Variants in MGAM observed in about 807,000 individuals in gnomAD.
MGAM encodes the protein alpha-1,4-glucosidase.
MGAM carries 253 observed loss-of-function variants against 358.8 expected under a neutral mutation model. The ratio of observed to expected loss-of-function variants is 0.71; its 90% CI spans 0.64 to 0.78. The LOEUF is 0.78. Ranked by LOEUF, MGAM falls within the 30% of genes least tolerant of loss-of-function variation. MGAM has a pLI of 0.00. For missense variants in MGAM, 3,080 were observed against 3,432.6 expected, an observed-to-expected ratio of 0.90 and a Z score of 2.57; for synonymous variants, 1,105 against 1,227.1, an observed-to-expected ratio of 0.90 and a Z score of 2.08.
intron 68 of MGAM, among the ~76,000 whole-genome samples, chr7:142,101,641 C>G (rs954116174): frequency 1.3e-5 from 2 of 151,596 alleles, no homozygotes; most frequent in African/African-American, 4.9e-5. Flanking sequence ...CTCAGTGCCT[C>G]ACGCCTGTAA....
rs554275353 is a variant in MGAM at position 142,002,556 on chromosome 7, C to T, written c.-2-2973C>T. On this transcript the variant is annotated intron_variant, in intron 1 of 70. Coordinates refer to ENST00000475668, the MANE Select transcript of MGAM (RefSeq NM_001365693.1). ...AAAAAAAAACCCTTAAAAACCTTGG[C>T]GTAGGGAGACCATACCTCAAAATAA... is the stretch of plus-strand genomic sequence containing the variant. Among the ~76,000 whole-genome samples the T allele has an allele frequency of 3.9e-5, 6 of 152,022 alleles. No homozygotes were observed. The South Asian group carries it at 6.2e-4, about 16-fold the overall frequency.
chr7:142,076,573 A>G (rs7779914), intron 46 of MGAM, 86 bp from the exon 47 acceptor site: 46,225 of 1,199,736 alleles, frequency 0.039, 5,206 homozygotes, highest in African/African-American at 0.12. Flanking sequence ...GGGGGTATCC[A>G]GTCTGGAATA....
chr7:142,071,608 C>A (rs1813358129), intron 44 of MGAM, among the ~76,000 whole-genome samples: 1 of 146,226 alleles, frequency 6.8e-6, no homozygotes, highest in African/African-American at 2.4e-5. Flanking sequence ...CTGGGTAAAC[C>A]AGGTCAGTTG....
At position 142,078,051 on chromosome 7, in the gene MGAM, G is replaced by A. The variant is rs1216786843; in HGVS notation, c.5494-267G>A. Among the ~76,000 whole-genome samples the A allele has an allele frequency of 5.5e-5, 8 of 145,300 alleles. 1 individual carries two copies. In the South Asian group the frequency reaches 8.9e-4, roughly 16 times the overall value. On this transcript the variant is annotated intron_variant, in intron 47 of 70. Coordinates refer to ENST00000475668, the MANE Select transcript of MGAM (RefSeq NM_001365693.1). ...GGGTAGAAAAGAATAAGGGGTGATC[G>A]CGACAGGTTTTATTTGACCTAATTG...
At chr7:142,021,524 G>A in intron 5 of MGAM, 62 bp from the exon 6 acceptor site, 2 of 1,509,628 alleles carry the variant, frequency 1.3e-6, no homozygotes, top group Non-Finnish European at 9.1e-7. Flanking sequence ...CCTAAGTAGG[G>A]ATATTGGGAA....
chr7:142,041,975 TA>T (rs1283261342), intron 21 of MGAM, among the ~76,000 whole-genome samples: 1 of 23,656 alleles, frequency 4.2e-5, no homozygotes, highest in African/African-American at 1.4e-4. Context: ...ATATATTATA[TA>T]TATATAATAT....
At chr7:142,062,823 G>T (rs901188668) in intron 35 of MGAM, 121 bp downstream of exon 35, 4 of 1,505,672 alleles carry the variant, frequency 2.7e-6, no homozygotes, top group African/African-American at 1.4e-5. Flanking sequence ...TTTGGACATA[G>T]CAGACACTTC....
At chr7:142,039,979 A>G (rs1049478739) in intron 19 of MGAM, 136 bp from the exon 20 acceptor site, 2 of 662,994 alleles carry the variant, frequency 3.0e-6, no homozygotes, top group East Asian at 2.7e-5. Context: ...TATTATTTGT[A>G]TTAGAGGAGA....
intron 70 of MGAM, among the ~76,000 whole-genome samples, chr7:142,105,583 C>G (rs921770333): frequency 1.3e-5 from 2 of 152,200 alleles, no homozygotes; most frequent in Non-Finnish European, 2.9e-5. Context: ...CCACCGCACC[C>G]GGCCCATATT....
chr7:141,999,033 T>G (rs564426194), intron 1 of MGAM, among the ~76,000 whole-genome samples: 1 of 152,116 alleles, frequency 6.6e-6, no homozygotes, highest in East Asian at 1.9e-4. Context: ...GTATATTTAT[T>G]TATTTTGTTT....
upstream of MGAM, among the ~76,000 whole-genome samples, chr7:141,993,817 T>C (rs549184298): frequency 6.6e-6 from 1 of 152,212 alleles, no homozygotes; most frequent in Non-Finnish European, 1.5e-5. Flanking sequence ...GCTTATCATG[T>C]TTTTGAAATT....
chr7:142,070,541 G>A (rs1232052836), intron 43 of MGAM, among the ~76,000 whole-genome samples: 5 of 146,180 alleles, frequency 3.4e-5, no homozygotes, highest in Admixed American at 6.9e-5. Context: ...GTCACAACAG[G>A]CTGGGGGTGA....
chr7:142,002,219 C>T (rs2128979140), intron 1 of MGAM, among the ~76,000 whole-genome samples: 1 of 152,184 alleles, frequency 6.6e-6, no homozygotes, highest in Non-Finnish European at 1.5e-5. Context: ...CTTTTAAAAA[C>T]TAATATAGAA....
rs184909179 is a variant in MGAM, at chr7:142,060,374, G to A, written c.4122+1G>A. Reference sequence around the variant, plus strand: ...TCTAGACTGGGACAGCCAAGTGGAGGTAAAAGGGTGTTTGTAAATTTGGGT... The same window carrying A: ...TCTAGACTGGGACAGCCAAGTGGAGATAAAAGGGTGTTTGTAAATTTGGGT... On this transcript the variant is annotated splice_donor_variant, in intron 34 of 70. Transcript: ENST00000475668. LOFTEE classifies it high-confidence loss of function. 1 of 1,613,864 alleles carries A rather than the reference G, an allele frequency of 6.2e-7. No individual in the cohort carries two copies. The highest frequency in any genetic ancestry group is 1.3e-5 in the African/African-American group (1 of 74,960).
intron 21 of MGAM, among the ~76,000 whole-genome samples, chr7:142,043,992 T>C (rs1228720518): frequency 7.8e-6 from 1 of 127,554 alleles, no homozygotes; most frequent in Non-Finnish European, 1.6e-5. Flanking sequence ...ATATACATTA[T>C]ATACACATAC....
intron 29 of MGAM, 135 bp from the exon 30 acceptor site, chr7:142,056,695 G>A (rs757565920): frequency 1.3e-6 from 1 of 774,180 alleles, no homozygotes; most frequent in Non-Finnish European, 2.1e-6. Flanking sequence ...TCAGTTCTGT[G>A]AGTATGATAG....
At chr7:142,033,690 A>AT (rs1357205495) in intron 14 of MGAM, among the ~76,000 whole-genome samples, 1 of 152,140 alleles carries the variant, frequency 6.6e-6, no homozygotes, top group African/African-American at 2.4e-5. Context: ...TAGTCAGATG[A>AT]TTTTGGAAAT....
chr7:142,068,698 T>A lies in MGAM; in HGVS notation c.5056T>A (p.Tyr1686Asn). 1 of 1,524,068 alleles carries A rather than the reference T, an allele frequency of 6.6e-7. No individual in the cohort carries two copies. Among genetic ancestry groups the A allele is most frequent in the Non-Finnish European group, 9.0e-7 (1 of 1,105,708 alleles). 94.4% of individuals were successfully genotyped at this position (1,524,068 alleles called of 1,614,324 possible). A position where few individuals can be genotyped will look rare whatever the true frequency, so the allele number is the denominator to read the frequency against. The change falls in exon 43 of 71, where the codon TAC becomes AAC. Residue 1686 changes from tyrosine (Y) to asparagine (N), a missense_variant. Tyr to Asn is a moderately radical substitution (Grantham distance 143, BLOSUM62 -2). Around this residue, in one of 5 missense-constraint regions of MGAM, gnomAD observed 932 missense variants for 1,198.2 expected, o/e 0.78. Coordinates refer to ENST00000475668, the MANE Select transcript of MGAM (RefSeq NM_001365693.1). The stretch of plus-strand genomic sequence containing the variant: ...CCCTAGAGCCCGTTGGTACGATTAC[T>A]ACACGGTAAGTTTTTCTGAATGTTT... ...YFPRARWYDYYTGVDINARGE... is the reference protein window; with the variant it reads ...YFPRARWYDYNTGVDINARGE...
chr7:142,030,395 G>A lies in MGAM; in HGVS notation c.1255G>A (p.Glu419Lys), dbSNP rs567166329. Residue 419 changes from glutamate (E) to lysine (K), a missense_variant, in exon 11 of 71, where the codon GAG becomes AAG. By Grantham distance (56) the Glu-to-Lys change is moderately conservative (BLOSUM62 1). Transcript: ENST00000475668. ...VQHADIDYMD[E>K]RRDFTYDSVD... ...GCATGCTGATATTGATTATATGGAT[G>A]AGAGAAGGGACTTCACTTATGATTC... 5 of 1,613,376 alleles carry A rather than the reference G, an allele frequency of 3.1e-6. No homozygotes were observed. The South Asian group carries it at 5.5e-5, about 18-fold the overall frequency.
Sources: gnomAD v4.1 joint callset for allele counts (sites outside exome capture counted in the v4.1 genomes callset) on GRCh38, gnomAD v4.1.1 for gene constraint, gnomAD v4.1.1 regional missense constraint, MANE v1.5 for transcripts, NCBI Gene and HGNC (gene_info 2026-07-23, HGNC 2026-07-21) for gene names.